ZFP2: variants seen among roughly 807,000 people sequenced by gnomAD.
ZFP2 encodes zinc finger protein ZFP2.
A neutral mutation model predicts 36.1 loss-of-function variants in ZFP2; 33 were observed. The ratio of observed to expected loss-of-function variants is 0.92; its 90% confidence interval spans 0.69 to 1.22. The LOEUF (loss-of-function observed/expected upper bound fraction) is 1.22. ZFP2 is among the 50% of genes most tolerant of loss of function. The pLI is 0.00. For missense variants in ZFP2, 522 were observed against 551.4 expected, an observed-to-expected ratio of 0.95 and a Z score of 0.53; for synonymous variants, 170 against 178.0, an observed-to-expected ratio of 0.96 and a Z score of 0.36.
intron 4 of ZFP2, among the ~76,000 whole-genome samples, chr5:178,929,005 G>A (rs958305073): frequency 6.6e-6 from 1 of 152,234 alleles, no homozygotes; most frequent in African/African-American, 2.4e-5. Context: ...CTTACAGCTT[G>A]CACCCTCTGA....
intron 4 of ZFP2, among the ~76,000 whole-genome samples, chr5:178,927,536 G>A (rs1005123631): frequency 2.2e-4 from 32 of 148,322 alleles, no homozygotes; most frequent in African/African-American, 7.7e-4. Context: ...CGCTCTTGTC[G>A]CCCAGGCTGG....
intron 1 of ZFP2, chr5:178,910,421 G>T (rs1236241141): frequency 7.4e-6 from 6 of 806,026 alleles, no homozygotes; most frequent in Non-Finnish European, 1.3e-5. Context: ...TTGGCAGCTG[G>T]CAGCCTCGGC....
At chr5:178,899,557 G>A (rs996084063) in intron 1 of ZFP2, among the ~76,000 whole-genome samples, 2 of 152,012 alleles carry the variant, frequency 1.3e-5, no homozygotes, top group Non-Finnish European at 2.9e-5. Context: ...TTAGGACCAA[G>A]TGTCGGGAAG....
chr5:178,904,722 A>G (rs1758132651), intron 1 of ZFP2, among the ~76,000 whole-genome samples: 2 of 98,734 alleles, frequency 2.0e-5, no homozygotes, highest in South Asian at 3.4e-4. Flanking sequence ...TTTTTTTGAG[A>G]GACAGAGTCT....
At chr5:178,923,175 G>C (rs1581840159) in intron 4 of ZFP2, among the ~76,000 whole-genome samples, 1 of 149,266 alleles carries the variant, frequency 6.7e-6, no homozygotes, top group Admixed American at 6.7e-5. Context: ...GCCATTTTTA[G>C]TGTATCATTT....
At chr5:178,898,421 T>C (rs1268730295) in intron 1 of ZFP2, among the ~76,000 whole-genome samples, 7 of 152,276 alleles carry the variant, frequency 4.6e-5, no homozygotes, top group Non-Finnish European at 7.3e-5. Context: ...GTCTTTCGTC[T>C]TTGTATAGCT....
Position 178,922,628 on chromosome 5 carries a change from G to A in ZFP2, c.-78+5918G>A, listed in dbSNP as rs149070624. 1,414 of 1,585,938 alleles carry A rather than the reference G, an allele frequency of 8.9e-4. 95 individuals are homozygous for A. Among genetic ancestry groups the A allele is most frequent in the Middle Eastern group, 8.2e-3 (36 of 4,402 alleles). On this transcript the variant is annotated intron_variant, in intron 4 of 4. Transcript: ENST00000361362. ...GGCAGGTATGGCCCATCTCCTGTACGCTTGGAGCGACCTTTGTCCACGTGG... is the reference window on the plus strand; with the variant it reads ...GGCAGGTATGGCCCATCTCCTGTACACTTGGAGCGACCTTTGTCCACGTGG...
chr5:178,912,970 C>G lies in ZFP2; in HGVS notation c.-313-12C>G, dbSNP rs1758327393. The G allele has an allele frequency of 1.0e-6, 1 of 985,548 alleles. No individual in the cohort carries two copies. The allele number at this position is 985,548 out of a possible 1,614,324, so 61.1% of individuals were successfully genotyped here. ...TTCAGAACCCAAATTTAATGTCTCT[C>G]CTCTTAAGCAGGAAATCACCTTTCC... On this transcript the variant is annotated splice_polypyrimidine_tract_variant and intron_variant, in intron 2 of 4. Transcript: ENST00000361362.
intron 1 of ZFP2, among the ~76,000 whole-genome samples, chr5:178,904,093 CT>C (rs1758118046): frequency 6.6e-6 from 1 of 152,150 alleles, no homozygotes; most frequent in African/African-American, 2.4e-5. Context: ...AATTTACATC[CT>C]TGTGCTATCT....
rs1035101942 is a variant in ZFP2 at position 178,924,032 on chromosome 5, A to G, written c.-77-7205A>G. On this transcript the variant is annotated intron_variant, in intron 4 of 4. Coordinates refer to ENST00000361362, the MANE Select transcript of ZFP2 (RefSeq NM_030613.4). The stretch of plus-strand genomic sequence containing the variant: ...TAACTTTTGTTCTTATATCAGCACT[A>G]TAAGATAGGTACCATTTAACAAATT... 1.8e-4 allele frequency among the ~76,000 whole-genome samples: 27 copies of G among 149,262 alleles called. 7 individuals carry two copies. Among genetic ancestry groups the G allele is most frequent in the East Asian group, 1.9e-4 (1 of 5,192 alleles).
intron 1 of ZFP2, among the ~76,000 whole-genome samples, chr5:178,911,458 A>C (rs1296579720): frequency 1.1e-4 from 16 of 152,304 alleles, no homozygotes; most frequent in Non-Finnish European, 1.8e-4. Context: ...CTGAGACAGC[A>C]AGACCAACCT....
chr5:178,924,213 A>C (rs967400066), intron 4 of ZFP2, among the ~76,000 whole-genome samples: 1 of 148,326 alleles, frequency 6.7e-6, no homozygotes, highest in Non-Finnish European at 1.5e-5. Context: ...CTGTACTAAA[A>C]CCACAAAAAA....
chr5:178,909,811 C>G, intron 1 of ZFP2: 3 of 1,593,378 alleles, frequency 1.9e-6, no homozygotes, highest in Non-Finnish European at 2.6e-6. Context: ...ACAAAGGTGT[C>G]GAAGAGATTT....
chr5:178,898,891 A>C (rs1182250153), intron 1 of ZFP2, among the ~76,000 whole-genome samples: 1 of 152,244 alleles, frequency 6.6e-6, no homozygotes, highest in East Asian at 1.9e-4. Context: ...AAGGGAAAAA[A>C]GTTATATGCA....
At chr5:178,918,960 C>T (rs1266433559) in intron 4 of ZFP2, among the ~76,000 whole-genome samples, 1 of 152,162 alleles carries the variant, frequency 6.6e-6, no homozygotes, top group East Asian at 1.9e-4. Flanking sequence ...GTAAAGCCCC[C>T]CTAACCGTTT....
At chr5:178,921,342 C>G (rs1433681477) in intron 4 of ZFP2, among the ~76,000 whole-genome samples, 1 of 152,164 alleles carries the variant, frequency 6.6e-6, no homozygotes, top group East Asian at 1.9e-4. Context: ...TTGCCCCGCT[C>G]TGCTGTGACT....
At chr5:178,927,801 C>T (rs1389887314) in intron 4 of ZFP2, among the ~76,000 whole-genome samples, 4 of 151,240 alleles carry the variant, frequency 2.6e-5, no homozygotes, top group Non-Finnish European at 2.9e-5. Context: ...CCTCCCAAAG[C>T]GCTGGGATTA....
chr5:178,898,351 TAAAG>T (rs747347560), intron 1 of ZFP2, among the ~76,000 whole-genome samples: 2 of 152,214 alleles, frequency 1.3e-5, no homozygotes, highest in Admixed American at 6.5e-5. Flanking sequence ...GTTTATGAAT[TAAAG>T]AAATGACATC....
At chr5:178,918,910 C>G (rs1758492770) in intron 4 of ZFP2, among the ~76,000 whole-genome samples, 1 of 152,166 alleles carries the variant, frequency 6.6e-6, no homozygotes, top group South Asian at 2.1e-4. Context: ...CTGACCTATA[C>G]TGCTCAGGCT....
Sources: gnomAD v4.1 joint callset for allele counts (sites outside exome capture counted in the v4.1 genomes callset) on GRCh38, gnomAD v4.1.1 for gene constraint, MANE v1.5 for transcripts, NCBI Gene and HGNC (gene_info 2026-07-23, HGNC 2026-07-21) for gene names.